Variants in LRMDA observed in about 807,000 individuals in gnomAD.
LRMDA encodes the protein leucine-rich melanocyte differentiation-associated protein.
LRMDA carries 18 observed loss-of-function variants against 29.8 expected under a neutral mutation model. That is an observed-to-expected ratio of 0.60 (90% CI 0.42 to 0.90). The LOEUF (loss-of-function observed/expected upper bound fraction) is 0.90, where lower values mean the gene tolerates loss of function less well. Among genes scored for constraint, LRMDA ranks in the 40% least tolerant of loss-of-function variants. LRMDA has a pLI of 0.00. For synonymous variants in LRMDA, 125 were observed against 109.4 expected (o/e 1.14, Z -0.89); for missense variants, 273 against 273.9 (o/e 1.00, Z 0.02).
intron 2 of LRMDA, among the ~76,000 whole-genome samples, chr10:76,017,105 C>T (rs1322839585): frequency 6.6e-6 from 1 of 152,196 alleles, no homozygotes; most frequent in Non-Finnish European, 1.5e-5. Flanking sequence ...AGGGTAGGCC[C>T]CTATTTCAAT....
chr10:76,249,252 T>C (rs886741362), intron 5 of LRMDA, among the ~76,000 whole-genome samples: 1 of 152,248 alleles, frequency 6.6e-6, no homozygotes, highest in African/African-American at 2.4e-5. Context: ...GGCAAAGCTA[T>C]GCTTGAGTAC....
chr10:75,615,447 A>T (rs4745784), intron 2 of LRMDA, among the ~76,000 whole-genome samples: 1 of 152,046 alleles, frequency 6.6e-6, no homozygotes, highest in Non-Finnish European at 1.5e-5. Context: ...TTGAGCATCA[A>T]ATTGGTGCTC....
At chr10:76,123,940 A>G (rs1849833571) in intron 5 of LRMDA, among the ~76,000 whole-genome samples, 1 of 152,202 alleles carries the variant, frequency 6.6e-6, no homozygotes, top group African/African-American at 2.4e-5. Context: ...TCTTATTATT[A>G]CTATTACCAA....
intron 5 of LRMDA, among the ~76,000 whole-genome samples, chr10:76,106,806 GAGC>G (rs1849492758): frequency 6.6e-6 from 1 of 152,298 alleles, no homozygotes; most frequent in African/African-American, 2.4e-5. Context: ...GAGGAAGCTG[GAGC>G]AGCTTCTCTG....
rs192082839 is a variant in LRMDA, at chr10:75,837,474, A to G, written c.132-198534A>G. Among the ~76,000 whole-genome samples the G allele has an allele frequency of 3.9e-3, 597 of 152,326 alleles. 4 individuals carry two copies. The highest frequency in any genetic ancestry group is 0.012 in the African/African-American group (482 of 41,578). Reference sequence around the variant, plus strand: ...TTTCATTTTAGTTGTTAAAAAATAGAATGGACAAAAAATGGTGCCAGTTCA... The same window carrying G: ...TTTCATTTTAGTTGTTAAAAAATAGGATGGACAAAAAATGGTGCCAGTTCA... On this transcript the variant is annotated intron_variant, in intron 2 of 6. Coordinates refer to ENST00000611255, the MANE Select transcript of LRMDA (RefSeq NM_001305581.2).
intron 2 of LRMDA, among the ~76,000 whole-genome samples, chr10:75,897,729 C>G (rs1477062555): frequency 3.3e-5 from 5 of 151,436 alleles, no homozygotes; most frequent in Non-Finnish European, 7.4e-5. Context: ...TCCTCAAATA[C>G]TCATATTCAA....
rs76270524 is a variant in LRMDA at position 76,385,069 on chromosome 10, T to C, written c.601+60584T>C. ...CAAAATTCCAATAGCAAGAGTATTATTAATCTACTTAAGGCATTAAGTGTT... is the reference window on the plus strand; with the variant it reads ...CAAAATTCCAATAGCAAGAGTATTACTAATCTACTTAAGGCATTAAGTGTT... On this transcript the variant is annotated intron_variant, in intron 6 of 6. Transcript: ENST00000611255. Among the ~76,000 whole-genome samples the C allele has an allele frequency of 3.8e-3, 575 of 152,290 alleles. 3 individuals carry two copies. Among genetic ancestry groups the C allele is most frequent in the African/African-American group, 0.013 (554 of 41,564 alleles).
intron 5 of LRMDA, among the ~76,000 whole-genome samples, chr10:76,210,271 G>C (rs189097961): frequency 1.3e-5 from 2 of 152,300 alleles, no homozygotes; most frequent in African/African-American, 2.4e-5. Context: ...CAACAAGCAG[G>C]GGGTGGAGGT....
chr10:75,873,893 T>G (rs1343379207), intron 2 of LRMDA, among the ~76,000 whole-genome samples: 1 of 152,176 alleles, frequency 6.6e-6, no homozygotes, highest in Non-Finnish European at 1.5e-5. Context: ...GATGTGGGGT[T>G]GGGTGGAGGA....
intron 2 of LRMDA, 136 bp from the exon 3 acceptor site, chr10:76,035,872 C>T: frequency 6.1e-6 from 3 of 488,184 alleles, no homozygotes; most frequent in Non-Finnish European, 9.7e-6. Flanking sequence ...TAATTCTTGT[C>T]ATTCACTTTG....
intron 6 of LRMDA, among the ~76,000 whole-genome samples, chr10:76,361,790 A>G (rs1841316296): frequency 6.6e-6 from 1 of 152,184 alleles, no homozygotes; most frequent in African/African-American, 2.4e-5. Context: ...TGACTATTAT[A>G]TGTTTAGTTA....
intron 6 of LRMDA, among the ~76,000 whole-genome samples, chr10:76,327,320 T>C (rs1476477035): frequency 6.6e-6 from 1 of 152,150 alleles, no homozygotes; most frequent in Non-Finnish European, 1.5e-5. Flanking sequence ...CTCGAACTCC[T>C]GACCTTGTGA....
intron 5 of LRMDA, among the ~76,000 whole-genome samples, chr10:76,194,664 G>GT (rs1851303059): frequency 6.6e-6 from 1 of 152,174 alleles, no homozygotes; most frequent in African/African-American, 2.4e-5. Context: ...CAGTGCTTAA[G>GT]TTATTCACTG....
At chr10:75,900,908 G>A (rs189498024) in intron 2 of LRMDA, among the ~76,000 whole-genome samples, 11 of 152,294 alleles carry the variant, frequency 7.2e-5, no homozygotes, top group African/African-American at 2.6e-4. Flanking sequence ...AGAGATAGCT[G>A]CTGGATAATC....
At chr10:76,375,497 A>G (rs1841505427) in intron 6 of LRMDA, among the ~76,000 whole-genome samples, 1 of 152,198 alleles carries the variant, frequency 6.6e-6, no homozygotes, top group South Asian at 2.1e-4. Flanking sequence ...TTATGATGAC[A>G]TCCAAAATGC....
chr10:75,890,469 G>T (rs1289940567), intron 2 of LRMDA, among the ~76,000 whole-genome samples: 1 of 152,200 alleles, frequency 6.6e-6, no homozygotes, highest in Non-Finnish European at 1.5e-5. Flanking sequence ...GATGGCCAGG[G>T]CCAGGGTTAT....
At chr10:76,298,317 T>C (rs1207553857) in intron 5 of LRMDA, among the ~76,000 whole-genome samples, 3 of 152,288 alleles carry the variant, frequency 2.0e-5, no homozygotes, top group South Asian at 2.1e-4. Context: ...AGAAATCCAG[T>C]TGGCTGAGCT....
intron 2 of LRMDA, among the ~76,000 whole-genome samples, chr10:75,837,740 C>T (rs1210397693): frequency 6.7e-6 from 1 of 149,422 alleles, no homozygotes; most frequent in East Asian, 2.0e-4. Flanking sequence ...TATTTACTAT[C>T]TACTATTTAC....
chr10:76,548,686 C>G (rs1469424314), intron 6 of LRMDA, among the ~76,000 whole-genome samples: 2 of 152,176 alleles, frequency 1.3e-5, no homozygotes, highest in South Asian at 4.1e-4. Context: ...TGAGCCCACC[C>G]TCCAATCTGA....
Sources: allele counts gnomAD v4.1 joint callset (sites outside exome capture counted in the v4.1 genomes callset), GRCh38; gene constraint gnomAD v4.1.1; transcripts MANE v1.5; gene names NCBI Gene and HGNC (gene_info 2026-07-23, HGNC 2026-07-21).